CLVS1: variants seen among roughly 807,000 people sequenced by gnomAD.
CLVS1 encodes clavesin 1, also known as clavesin-1.
Under a neutral mutation model 33.1 loss-of-function variants are expected in CLVS1, and 10 were observed. That is an observed-to-expected ratio of 0.30 (90% CI 0.19 to 0.51). The LOEUF (loss-of-function observed/expected upper bound fraction) is 0.51, where lower values mean the gene tolerates loss of function less well. Ranked by LOEUF, CLVS1 falls within the 20% of genes least tolerant of loss-of-function variation. The pLI is 0.97. For synonymous variants in CLVS1, 163 were observed against 166.1 expected (o/e 0.98, Z 0.14); for missense variants, 343 against 433.4 (o/e 0.79, Z 1.85).
intron 3 of CLVS1, among the ~76,000 whole-genome samples, chr8:61,426,329 T>C (rs1004094936): frequency 3.3e-5 from 5 of 152,254 alleles, no homozygotes; most frequent in African/African-American, 1.2e-4. Context: ...TTGTTACTTC[T>C]AGCTCACGAT....
chr8:61,082,492 CA>C (rs1805039302), intron 1 of CLVS1, among the ~76,000 whole-genome samples: 1 of 138,442 alleles, frequency 7.2e-6, no homozygotes, highest in Non-Finnish European at 1.5e-5. Context: ...AACAAACAAA[CA>C]AACAAAAACA....
chr8:61,484,069 C>A (rs542403976), intron 5 of CLVS1, among the ~76,000 whole-genome samples: 2 of 152,294 alleles, frequency 1.3e-5, no homozygotes, highest in South Asian at 2.1e-4. Context: ...TCCTATTCAA[C>A]CTACTGTTGG....
At chr8:61,252,927 G>A (rs559677688) in intron 2 of CLVS1, among the ~76,000 whole-genome samples, 8 of 152,234 alleles carry the variant, frequency 5.3e-5, no homozygotes, top group Non-Finnish European at 8.8e-5. Flanking sequence ...TACATTTAAG[G>A]TTAATATTGT....
chr8:61,043,387 G>A, the CLVS1 span, among the ~76,000 whole-genome samples: 2 of 152,196 alleles, frequency 1.3e-5, no homozygotes, highest in African/African-American at 4.8e-5. Context: ...GACACATGAC[G>A]CAGAGGTAGT....
At chr8:61,263,697 A>T (rs972812283) in intron 2 of CLVS1, among the ~76,000 whole-genome samples, 5 of 152,214 alleles carry the variant, frequency 3.3e-5, no homozygotes, top group African/African-American at 1.2e-4. Flanking sequence ...GAAAGATCAT[A>T]GGAATTGGTA....
At chr8:61,026,771 G>A in the CLVS1 span, among the ~76,000 whole-genome samples, 6 of 152,156 alleles carry the variant, frequency 3.9e-5, no homozygotes, top group Non-Finnish European at 5.9e-5. Context: ...AGAACATAGG[G>A]TTTTGTGCAC....
At chr8:60,991,270 G>GA in the CLVS1 span, among the ~76,000 whole-genome samples, 10 of 152,000 alleles carry the variant, frequency 6.6e-5, no homozygotes, top group South Asian at 1.2e-3. Flanking sequence ...AGGTAAAGAG[G>GA]AAAAAAAATC....
At chr8:61,146,558 G>A (rs968501067) in intron 2 of CLVS1, among the ~76,000 whole-genome samples, 9 of 152,212 alleles carry the variant, frequency 5.9e-5, no homozygotes, top group African/African-American at 2.2e-4. Flanking sequence ...ACAGATTTGT[G>A]AGTGACATTT....
At chr8:61,064,723 A>T (rs146255815) in intron 1 of CLVS1, among the ~76,000 whole-genome samples, 9,092 of 140,150 alleles carry the variant, frequency 0.065, 383 homozygotes, top group Middle Eastern at 0.12. Flanking sequence ...TTTTTTTGAG[A>T]TGGAGTCTTT....
At chr8:61,452,363 A>G (rs1248243411) in intron 3 of CLVS1, among the ~76,000 whole-genome samples, 1 of 152,230 alleles carries the variant, frequency 6.6e-6, no homozygotes, top group Non-Finnish European at 1.5e-5. Context: ...TTAAAAAGAT[A>G]GTGAAGCCCT....
chr8:61,128,435 AT>A (rs1392960074), intron 1 of CLVS1, among the ~76,000 whole-genome samples: 1 of 152,120 alleles, frequency 6.6e-6, no homozygotes, highest in Non-Finnish European at 1.5e-5. Context: ...TTTTTCTGGA[AT>A]TTTTTTCTCC....
intron 2 of CLVS1, among the ~76,000 whole-genome samples, chr8:61,375,940 G>A (rs1813622095): frequency 1.3e-5 from 2 of 152,194 alleles, no homozygotes. Context: ...ATTCTAGTTT[G>A]TATTCAGGTC....
chr8:61,270,385 G>A (rs1315150137), intron 2 of CLVS1, among the ~76,000 whole-genome samples: 1 of 152,166 alleles, frequency 6.6e-6, no homozygotes, highest in Non-Finnish European at 1.5e-5. Context: ...TTGTGGATAA[G>A]CTTTTTGATG....
chr8:61,336,837 A>C (rs1410961196), intron 2 of CLVS1, among the ~76,000 whole-genome samples: 1 of 152,224 alleles, frequency 6.6e-6, no homozygotes, highest in Non-Finnish European at 1.5e-5. Flanking sequence ...AGGGCAAAAA[A>C]TGAGTGTCAT....
chr8:61,026,059 T>C, the CLVS1 span, among the ~76,000 whole-genome samples: 1 of 134,962 alleles, frequency 7.4e-6, no homozygotes, highest in Non-Finnish European at 1.6e-5. Flanking sequence ...CCAATTCACA[T>C]GTTGAAGTTC....
chr8:61,197,051 A>C (rs1807628817), intron 2 of CLVS1, among the ~76,000 whole-genome samples: 1 of 152,198 alleles, frequency 6.6e-6, no homozygotes, highest in African/African-American at 2.4e-5. Context: ...GGTTTCAGAA[A>C]AGAATTAAGC....
intron 2 of CLVS1, among the ~76,000 whole-genome samples, chr8:61,224,629 T>C (rs755713884): frequency 5.3e-5 from 8 of 152,200 alleles, no homozygotes; most frequent in Non-Finnish European, 8.8e-5. Flanking sequence ...ACAACCCCTG[T>C]TGGGGGGTCT....
At chr8:61,180,881 C>A (rs772761391) in intron 2 of CLVS1, among the ~76,000 whole-genome samples, 2 of 152,204 alleles carry the variant, frequency 1.3e-5, no homozygotes, top group African/African-American at 2.4e-5. Context: ...CAGCCAATAT[C>A]ATACTGAATG....
chr8:60,993,664 G>C, the CLVS1 span, among the ~76,000 whole-genome samples: 1 of 152,200 alleles, frequency 6.6e-6, no homozygotes, highest in Non-Finnish European at 1.5e-5. Context: ...AGCTCCTCCT[G>C]AATAGCCAAG....
Sources: allele counts gnomAD v4.1 joint callset (sites outside exome capture counted in the v4.1 genomes callset), GRCh38; gene constraint gnomAD v4.1.1; transcripts MANE v1.5; gene names NCBI Gene and HGNC (gene_info 2026-07-23, HGNC 2026-07-21).